The following FBXL5 variants were observed in gnomAD, a reference collection of about 807,000 sequenced individuals.
The protein encoded by FBXL5 is F-box and leucine rich repeat protein 5, also known as F-box/LRR-repeat protein 5.
A neutral mutation model predicts 78.3 loss-of-function variants in FBXL5; 26 were observed. The ratio of observed to expected loss-of-function variants is 0.33; its 90% CI spans 0.24 to 0.46. FBXL5 has a LOEUF of 0.46. Among genes scored for constraint, FBXL5 ranks in the 20% least tolerant of loss-of-function variants. FBXL5 has a pLI of 1.00. For missense variants in FBXL5, 710 were observed against 829.2 expected (o/e 0.86, Z 1.77); for synonymous variants, 295 against 282.5 (o/e 1.04, Z -0.45).
intron 1 of FBXL5, among the ~76,000 whole-genome samples, chr4:15,678,378 C>G (rs1307986079): frequency 1.3e-5 from 2 of 152,120 alleles, no homozygotes; most frequent in African/African-American, 2.4e-5. Context: ...TGCTGTTTAC[C>G]TCAGTATTGA....
intron 10 of FBXL5, 74 bp from the exon 11 acceptor site, chr4:15,605,873 A>G (rs1560205282): frequency 8.9e-7 from 1 of 1,126,468 alleles, no homozygotes; most frequent in Middle Eastern, 1.9e-4. Context: ...CTTATGAAGG[A>G]GTTAAACATT....
At chr4:15,676,369 G>A (rs1248815617) in intron 1 of FBXL5, among the ~76,000 whole-genome samples, 4 of 152,046 alleles carry the variant, frequency 2.6e-5, no homozygotes, top group African/African-American at 9.7e-5. Flanking sequence ...TATGAGGATG[G>A]AAACAGCCAA....
intron 5 of FBXL5, among the ~76,000 whole-genome samples, chr4:15,635,916 A>G (rs1336102224): frequency 6.6e-6 from 1 of 152,150 alleles, no homozygotes; most frequent in African/African-American, 2.4e-5. Context: ...GTAATTTACT[A>G]TAATGATATT....
chr4:15,664,345 A>T (rs993475359), upstream of FBXL5, among the ~76,000 whole-genome samples: 1 of 152,078 alleles, frequency 6.6e-6, no homozygotes, highest in African/African-American at 2.4e-5. Flanking sequence ...CCAGCTAGTC[A>T]GCAATGTTTC....
chr4:15,640,856 T>G lies in FBXL5; in HGVS notation c.328A>C (p.Lys110Gln). 1 of 1,553,836 alleles carries G rather than the reference T, an allele frequency of 6.4e-7. No individual in the cohort carries two copies. Among genetic ancestry groups the G allele is most frequent in the East Asian group, 2.5e-5 (1 of 40,710 alleles). The change falls in exon 3 of 11, where the codon AAA (lysine) becomes CAA (glutamine). Residue 110 changes from lysine to glutamine, a missense_variant. Physicochemically the swap from Lys to Gln is moderately conservative, Grantham distance 53. Transcript: ENST00000341285. The part of the protein sequence containing the change: ...KNEYEQLNYA[K>Q]QLKERLEAFT... ...GCCTCCAATCTCTCTTTCAGTTGTT[T>G]TGCATAATTTAACTGTTCATATTCA...
upstream of FBXL5, among the ~76,000 whole-genome samples, chr4:15,659,133 G>T (rs924070521): frequency 6.6e-6 from 1 of 151,930 alleles, no homozygotes. Flanking sequence ...TAAATGGAAG[G>T]GTACCCAGTA....
upstream of FBXL5, among the ~76,000 whole-genome samples, chr4:15,660,562 C>T (rs1717256449): frequency 6.6e-6 from 1 of 152,140 alleles, no homozygotes; most frequent in South Asian, 2.1e-4. Context: ...AATTCTAATC[C>T]CACTTCTCAC....
At chr4:15,610,540 C>T (rs1056663596) in intron 10 of FBXL5, among the ~76,000 whole-genome samples, 4 of 152,066 alleles carry the variant, frequency 2.6e-5, no homozygotes, top group Non-Finnish European at 4.4e-5. Context: ...AATATAATAG[C>T]TCCTCTGAAA....
intron 1 of FBXL5, among the ~76,000 whole-genome samples, chr4:15,673,956 T>C (rs951312097): frequency 2.6e-5 from 4 of 152,256 alleles, no homozygotes; most frequent in African/African-American, 9.6e-5. Flanking sequence ...TTGCCTGATA[T>C]CCAATATCTT....
chr4:15,622,013 G>A lies in FBXL5; in HGVS notation c.1850+3239C>T, dbSNP rs146242779. 1.4e-3 allele frequency among the ~76,000 whole-genome samples: 209 copies of A among 152,134 alleles called. 2 individuals are homozygous for A. The highest frequency in any genetic ancestry group is 4.7e-3 in the African/African-American group (193 of 41,494). On this transcript the variant is annotated intron_variant, in intron 9 of 10. Coordinates refer to ENST00000341285, the MANE Select transcript of FBXL5 (RefSeq NM_012161.4). ...CTAACTGATTTTTGTTTTTCTTTTC[G>A]GTAAAGATGTAATTTTGCCATGTTG...
At position 15,655,324 on chromosome 4, in the gene FBXL5, C is replaced by T. The variant is rs1268232663; in HGVS notation, c.-37G>A. On this transcript the variant is annotated 5_prime_UTR_variant, in exon 1 of 11. Transcript: ENST00000341285. ...CAGCCTCCGCCTCAGCAGCCGCGGC[C>T]GCCGCCTCTCCATAGACACCCTCGC... is the stretch of plus-strand genomic sequence containing the variant. 93 of 1,353,208 alleles carry T rather than the reference C, an allele frequency of 6.9e-5. No homozygotes were observed. The highest frequency in any genetic ancestry group is 1.4e-5 in the South Asian group (1 of 69,158). The allele number at this position is 1,353,208 out of a possible 1,614,324, so 83.8% of individuals were successfully genotyped here.
Position 15,612,283 on chromosome 4 carries a change from T to C in FBXL5, c.1982A>G (p.Tyr661Cys). Residue 661 changes from tyrosine (Y) to cysteine (C), a missense_variant, in exon 10 of 11, where the codon TAC becomes TGC. Physicochemically the swap from Tyr to Cys is radical, Grantham distance 194. Around this residue, in one of 4 missense-constraint regions of FBXL5, gnomAD observed 58 missense variants for 112.3 expected, o/e 0.52. Transcript: ENST00000341285. ...GGCATTACCGTTAATGTTGTCACAGTAGTAAAAGTATTCATCATTCAGAGA... is the reference window on the plus strand; with the variant it reads ...GGCATTACCGTTAATGTTGTCACAGCAGTAAAAGTATTCATCATTCAGAGA... ...CPSLNDEYFY[Y>C]CDNINGPHAD... 6.2e-7 allele frequency: 1 copy of C among 1,607,804 alleles called. No homozygotes were observed. Among genetic ancestry groups the C allele is most frequent in the Non-Finnish European group, 8.5e-7 (1 of 1,177,740 alleles).
intron 1 of FBXL5, among the ~76,000 whole-genome samples, chr4:15,669,371 A>G (rs1717669578): frequency 6.6e-6 from 1 of 152,244 alleles, no homozygotes; most frequent in Non-Finnish European, 1.5e-5. Flanking sequence ...GTATTACTTC[A>G]TGGAACCACC....
chr4:15,608,066 T>C (rs563829049), intron 10 of FBXL5, among the ~76,000 whole-genome samples: 97 of 152,198 alleles, frequency 6.4e-4, no homozygotes, highest in African/African-American at 2.1e-3. Flanking sequence ...ACTTCCTGTA[T>C]GTTTTCTTTA....
chr4:15,652,871 T>C (rs1716285679), intron 1 of FBXL5, among the ~76,000 whole-genome samples: 1 of 147,118 alleles, frequency 6.8e-6, no homozygotes, highest in African/African-American at 2.5e-5. Context: ...TCATTTTATA[T>C]AGTTTTATTG....
At chr4:15,620,599 G>A (rs1258880522) in intron 9 of FBXL5, among the ~76,000 whole-genome samples, 1 of 152,218 alleles carries the variant, frequency 6.6e-6, no homozygotes, top group Admixed American at 6.5e-5. Context: ...ATTCTAGTCA[G>A]AATAATTAGA....
chr4:15,621,148 A>G (rs1712436501), intron 9 of FBXL5, among the ~76,000 whole-genome samples: 1 of 152,182 alleles, frequency 6.6e-6, no homozygotes, highest in Non-Finnish European at 1.5e-5. Flanking sequence ...TCGGCAGTCT[A>G]TTTTGGAAAA....
chr4:15,645,019 C>T (rs1305342526), intron 1 of FBXL5, among the ~76,000 whole-genome samples: 1 of 152,080 alleles, frequency 6.6e-6, no homozygotes, highest in Non-Finnish European at 1.5e-5. Flanking sequence ...TTTCATTACT[C>T]TATATGTATG....
At chr4:15,649,691 T>C (rs1015355026) in intron 1 of FBXL5, among the ~76,000 whole-genome samples, 4 of 151,860 alleles carry the variant, frequency 2.6e-5, no homozygotes, top group Non-Finnish European at 5.9e-5. Flanking sequence ...CCTTCACATA[T>C]AGACTTTATG....
Sources: allele counts gnomAD v4.1 joint callset (sites outside exome capture counted in the v4.1 genomes callset), GRCh38; gene constraint gnomAD v4.1.1; regional missense constraint gnomAD v4.1.1; transcripts MANE v1.5; gene names NCBI Gene and HGNC (gene_info 2026-07-23, HGNC 2026-07-21).